EXOC7: variants seen among roughly 807,000 people sequenced by gnomAD.
EXOC7 encodes the protein exocyst complex component Exo70.
EXOC7 carries 51 observed loss-of-function variants against 87.6 expected under a neutral mutation model. The observed-to-expected ratio is 0.58, with a 90% confidence interval of 0.46 to 0.73. The LOEUF (loss-of-function observed/expected upper bound fraction) is 0.73. EXOC7 is among the 30% of genes least tolerant of loss of function. EXOC7 has a pLI of 0.00. For missense variants in EXOC7, 744 were observed against 888.4 expected (o/e 0.84, Z 2.07); for synonymous variants, 327 against 357.1 (o/e 0.92, Z 0.95).
At chr17:76,092,020 A>G (rs1302093346) in intron 6 of EXOC7, among the ~76,000 whole-genome samples, 1 of 152,224 alleles carries the variant, frequency 6.6e-6, no homozygotes, top group Non-Finnish European at 1.5e-5. Context: ...CGCCTGGGTC[A>G]GCCTCCTTTG....
Position 76,087,679 on chromosome 17 carries a change from CGTCT to C in EXOC7, c.1400_1403del (p.Glu467GlyfsTer27). On this transcript the variant is annotated frameshift_variant, in exon 12 of 19. Coordinates refer to ENST00000589210, the MANE Select transcript of EXOC7 (RefSeq NM_001013839.4). LOFTEE classifies it high-confidence loss of function. ...CTTGGGAGGCCAGCATGGCGCCTGC[CGTCT>C]CCTGGAAGTCCAAAAGCTGCTGCAG... 1 of 1,551,344 alleles carries C rather than the reference CGTCT, an allele frequency of 6.4e-7. No individual in the cohort carries two copies. The highest frequency in any genetic ancestry group is 8.7e-7 in the Non-Finnish European group (1 of 1,147,014).
At chr17:76,101,197 C>T (rs2068040905) in intron 4 of EXOC7, 74 bp downstream of exon 4, 3 of 1,613,120 alleles carry the variant, frequency 1.9e-6, no homozygotes, top group Non-Finnish European at 2.5e-6. Flanking sequence ...CTCAAGCTGG[C>T]TCCATGTCCC....
rs1204069843 is a variant in EXOC7 at position 76,084,049 on chromosome 17, G to C, written c.1909C>G (p.Gln637Glu). 2 of 1,608,996 alleles carry C rather than the reference G, an allele frequency of 1.2e-6. No homozygotes were observed. Among genetic ancestry groups the C allele is most frequent in the Admixed American group, 3.4e-5 (2 of 58,602 alleles). The change falls in exon 18 of 19, where the codon CAG (glutamine) becomes GAG (glutamate). Residue 637 changes from glutamine (Q) to glutamate (E), a missense_variant. Gln to Glu is a conservative substitution (Grantham distance 29). Transcript: ENST00000589210. The stretch of plus-strand genomic sequence containing the variant: ...TAGGTCTCCTTGACAATGGTCTTCT[G>C]GGCCTGGCGAATCCTGTCCCTCTGC... ...TEQRDRIRQA[Q>E]KTIVKETYGA...
At chr17:76,102,417 GACACAC>G (rs3073225) in intron 2 of EXOC7, among the ~76,000 whole-genome samples, 2,419 of 143,920 alleles carry the variant, frequency 0.017, 39 homozygotes, top group African/African-American at 0.04. Flanking sequence ...TACACACACA[GACACAC>G]ACACACACAC....
intron 7 of EXOC7, among the ~76,000 whole-genome samples, chr17:76,090,115 C>G (rs1300156873): frequency 6.6e-6 from 1 of 152,254 alleles, no homozygotes; most frequent in Non-Finnish European, 1.5e-5. Context: ...GGCTTCTCCC[C>G]TTGGCCCAGG....
rs773444201 is a variant in EXOC7 at position 76,088,529 on chromosome 17, C to T, written c.1234G>A (p.Gly412Ser). The change falls in exon 10 of 19, where the codon GGC becomes AGC. Residue 412 changes from glycine to serine, a missense_variant. Gly to Ser is a moderately conservative substitution (Grantham distance 56). This residue lies in a region of EXOC7 where 512 missense variants were observed against 573.0 expected (regional missense o/e 0.89). Coordinates refer to ENST00000589210, the MANE Select transcript of EXOC7 (RefSeq NM_001013839.4). ...TAASTKNKLP[G>S]LITSMETIGA... is the part of the protein sequence containing the mutation. ...ATGGTCTCCATGGATGTGATGAGGC[C>T]AGGCAGCTTGTTCTTTGTGCTGGCA... 34 of 1,613,894 alleles carry T rather than the reference C, an allele frequency of 2.1e-5. No homozygotes were observed. The highest frequency in any genetic ancestry group is 1.8e-4 in the Admixed American group (11 of 59,992).
At chr17:76,089,698 G>A (rs568041916) in intron 7 of EXOC7, 8 of 246,236 alleles carry the variant, frequency 3.2e-5, no homozygotes, top group African/African-American at 1.3e-4. Flanking sequence ...GCCCAGGGTG[G>A]GCAGGTGGCT....
At position 76,101,730 on chromosome 17, in the gene EXOC7, A is replaced by C. The variant is rs1362541920; in HGVS notation, c.260T>G (p.Val87Gly). 6.2e-7 allele frequency: 1 copy of C among 1,614,056 alleles called. No homozygotes were observed. The highest frequency in any genetic ancestry group is 2.2e-5 in the East Asian group (1 of 44,870). Residue 87 changes from valine to glycine, a missense_variant, in exon 3 of 19, where the codon GTC becomes GGC. Transcript: ENST00000589210. ...VEKTLSCLDHVISYYHVASDT... is the reference protein window; with the variant it reads ...VEKTLSCLDHGISYYHVASDT... ...ACTGGCCACATGGTAGTAGCTGATG[A>C]CATGGTCCAGGCAGGACAGCGTCTT... is the stretch of plus-strand genomic sequence containing the variant.
intron 2 of EXOC7, 39 bp downstream of exon 2, chr17:76,103,322 C>G: frequency 9.0e-6 from 14 of 1,552,476 alleles, no homozygotes; most frequent in Non-Finnish European, 1.2e-5. Context: ...CCCCAGGGTC[C>G]GGAGGCCTGC....
chr17:76,085,643 G>A, intron 14 of EXOC7, 34 bp downstream of exon 14: 1 of 1,613,838 alleles, frequency 6.2e-7, no homozygotes, highest in Non-Finnish European at 8.5e-7. Flanking sequence ...AGGGGAAGGT[G>A]AGAGCCGCAG....
At chr17:76,096,910 C>T (rs913088295) in intron 5 of EXOC7, among the ~76,000 whole-genome samples, 12 of 151,980 alleles carry the variant, frequency 7.9e-5, no homozygotes, top group Admixed American at 2.0e-4. Context: ...AGTACAGTGG[C>T]GTGATCTTAG....
intron 12 of EXOC7, chr17:76,087,252 G>A (rs1354282296): frequency 2.7e-6 from 1 of 372,490 alleles, no homozygotes; most frequent in African/African-American, 2.1e-5. Context: ...AGGGCCAGCA[G>A]GAAGACGCCC....
In EXOC7 at chr17:76,085,686, G is replaced by C; in HGVS notation, c.1607C>G (p.Ser536Cys). 6.2e-7 allele frequency: 1 copy of C among 1,614,098 alleles called. No individual in the cohort carries two copies. Among genetic ancestry groups the C allele is most frequent in the Non-Finnish European group, 8.5e-7 (1 of 1,180,032 alleles). Reference protein sequence around the residue: ...LHNNYNYILKSLEKSELIQLV... With the variant: ...LHNNYNYILKCLEKSELIQLV... ...CCCGCAGGCCACTTACTTCTCCAGG[G>C]ACTTGAGGATGTAATTGTAGTTGTT... The change falls in exon 14 of 19, where the codon TCC becomes TGC. Residue 536 changes from serine to cysteine, a missense_variant. Ser to Cys is a moderately radical substitution (Grantham distance 112, BLOSUM62 -1). Coordinates refer to ENST00000589210, the MANE Select transcript of EXOC7 (RefSeq NM_001013839.4).
In EXOC7 at chr17:76,081,698, C is replaced by G. The variant is rs1420200855; in HGVS notation, c.*1950G>C. ...GACATTGCTGCTGAGTTACCTCGTC[C>G]TCCACTCCTCCCTGGTGCAGGCCCT... On this transcript the variant is annotated 3_prime_UTR_variant, in exon 19 of 19. Coordinates refer to ENST00000589210, the MANE Select transcript of EXOC7 (RefSeq NM_001013839.4). The G allele has an allele frequency of 6.2e-7, 1 of 1,614,138 alleles. No homozygotes were observed. Among genetic ancestry groups the G allele is most frequent in the Non-Finnish European group, 8.5e-7 (1 of 1,180,026 alleles).
In EXOC7 at chr17:76,082,748, A is replaced by C. The variant is rs773301834; in HGVS notation, c.*900T>G. ...AGGGCCTCTGGATTAAGCCACCCTG[A>C]GCTCTCCCTCCGCTAGCACACAAGC... On this transcript the variant is annotated 3_prime_UTR_variant, in exon 19 of 19. Transcript: ENST00000589210. 14 of 1,244,418 alleles carry C rather than the reference A, an allele frequency of 1.1e-5. No individual in the cohort carries two copies. In the Middle Eastern group the frequency reaches 8.6e-4, roughly 76 times the overall value. The allele number at this position is 1,244,418 out of a possible 1,614,324, so 77.1% of individuals were successfully genotyped here. A position where few individuals can be genotyped will look rare whatever the true frequency, so the allele number is the denominator to read the frequency against.
intron 5 of EXOC7, 64 bp downstream of exon 5, chr17:76,097,714 AAAAAAAAAAAAAAAAAAG>A (rs2067835600): frequency 2.4e-6 from 2 of 818,850 alleles, no homozygotes; most frequent in Admixed American, 6.3e-5. Flanking sequence ...AAAAAAAAAA[AAAAAAAAAAAAAAAAAAG>A]AACAAAGGGG....
intron 12 of EXOC7, chr17:76,086,811 G>C: frequency 1.3e-6 from 2 of 1,539,890 alleles, no homozygotes; most frequent in Non-Finnish European, 8.8e-7. Flanking sequence ...CACCCACCAA[G>C]CTTCAGAGGG....
chr17:76,085,519 C>CT (rs1190102066), intron 14 of EXOC7, 110 bp from the exon 15 acceptor site: 2 of 1,503,886 alleles, frequency 1.3e-6, no homozygotes, highest in Admixed American at 3.6e-5. Context: ...TCCACAAGCT[C>CT]TATGGCATCC....
At chr17:76,094,078 T>C (rs1243047777) in intron 6 of EXOC7, 3 of 210,870 alleles carry the variant, frequency 1.4e-5, no homozygotes, top group Non-Finnish European at 2.8e-5. Flanking sequence ...GCTGCAGTAG[T>C]GTGCCTGGCC....
Sources: gnomAD v4.1 joint callset for allele counts (sites outside exome capture counted in the v4.1 genomes callset) on GRCh38, gnomAD v4.1.1 for gene constraint, gnomAD v4.1.1 regional missense constraint, MANE v1.5 for transcripts, NCBI Gene and HGNC (gene_info 2026-07-23, HGNC 2026-07-21) for gene names.